Variants in FBXO28 observed in about 807,000 individuals in gnomAD.
FBXO28 encodes F-box protein 28.
In FBXO28, 8 loss-of-function variants were observed where a neutral mutation model predicts 38.1. That is an observed-to-expected ratio of 0.21 (90% CI 0.12 to 0.38). The LOEUF (loss-of-function observed/expected upper bound fraction) is 0.38, where lower values mean the gene tolerates loss of function less well. Ranked by LOEUF, FBXO28 falls within the 10% of genes least tolerant of loss-of-function variation. The probability of loss-of-function intolerance (pLI) is 1.00; values close to 1 mark genes in which losing one functional copy is unlikely to be tolerated. For synonymous variants in FBXO28, 168 were observed against 173.8 expected (o/e 0.97, Z 0.26); for missense variants, 345 against 460.6 (o/e 0.75, Z 2.30).
intron 3 of FBXO28, among the ~76,000 whole-genome samples, chr1:224,134,608 G>A (rs1657132406): frequency 6.6e-6 from 1 of 152,108 alleles, no homozygotes; most frequent in African/African-American, 2.4e-5. Flanking sequence ...TTTGAGAAAT[G>A]TTTCATAACG....
At chr1:224,115,936 A>G (rs905848794) in intron 1 of FBXO28, among the ~76,000 whole-genome samples, 2 of 152,076 alleles carry the variant, frequency 1.3e-5, no homozygotes, top group African/African-American at 4.8e-5. Flanking sequence ...GGGAGGGGGG[A>G]ACCAGCCTGT....
At chr1:224,143,185 C>T (rs1317967363) in intron 3 of FBXO28, among the ~76,000 whole-genome samples, 2 of 149,038 alleles carry the variant, frequency 1.3e-5, no homozygotes, top group Non-Finnish European at 3.0e-5. Flanking sequence ...TGCCACTGCA[C>T]TCCAGCCTGG....
Position 224,114,184 on chromosome 1 carries a change from G to A in FBXO28, c.55G>A (p.Asp19Asn). ...AGAGGAAGGAGGCGGCGGCCAAGGC[G>A]ACGGCGGTTCCTCTTTGGCCTCCGG... ...MAEEGGGGQG[D>N]GGSSLASGST... Residue 19 changes from aspartate (D) to asparagine (N), a missense_variant, in exon 1 of 5, where the codon GAC becomes AAC. Around this residue, in one of 6 missense-constraint regions of FBXO28, gnomAD observed 104 missense variants for 82.0 expected, o/e 1.27. Transcript: ENST00000366862. 2 of 1,547,626 alleles carry A rather than the reference G, an allele frequency of 1.3e-6. No individual in the cohort carries two copies. Among genetic ancestry groups the A allele is most frequent in the Non-Finnish European group, 1.7e-6 (2 of 1,146,046 alleles).
intron 1 of FBXO28, among the ~76,000 whole-genome samples, chr1:224,125,718 T>C (rs947109861): frequency 6.6e-6 from 1 of 151,240 alleles, no homozygotes; most frequent in Admixed American, 6.6e-5. Context: ...CTCGGACCAC[T>C]GTAACCTCCA....
chr1:224,115,603 A>C (rs1327949624), intron 1 of FBXO28, among the ~76,000 whole-genome samples: 1 of 152,242 alleles, frequency 6.6e-6, no homozygotes, highest in Non-Finnish European at 1.5e-5. Flanking sequence ...GCCAGTCTGC[A>C]GGATGGAAAA....
Position 224,161,741 on chromosome 1 carries a change from A to G in FBXO28, c.*3995A>G, listed in dbSNP as rs1248556157. ...CATCTTGGTTAAATTTCTGAAGTTT[A>G]AAAATTAGATCCAGATTTCTTCTGT... On this transcript the variant is annotated 3_prime_UTR_variant, in exon 5 of 5. Transcript: ENST00000366862. 1.3e-5 allele frequency: 2 copies of G among 152,232 alleles called. No homozygotes were observed. The highest frequency in any genetic ancestry group is 2.9e-5 in the Non-Finnish European group (2 of 68,040). 9.4% of individuals were successfully genotyped at this position (152,232 alleles called of 1,614,324 possible). A position where few individuals can be genotyped will look rare whatever the true frequency, so the allele number is the denominator to read the frequency against.
chr1:224,114,850 G>A (rs777967200), intron 1 of FBXO28, among the ~76,000 whole-genome samples: 1 of 152,200 alleles, frequency 6.6e-6, no homozygotes, highest in African/African-American at 2.4e-5. Flanking sequence ...ATAACGAATT[G>A]TTCCCCACCC....
At chr1:224,120,185 A>T (rs570920193) in intron 1 of FBXO28, among the ~76,000 whole-genome samples, 1 of 152,334 alleles carries the variant, frequency 6.6e-6, no homozygotes, top group South Asian at 2.1e-4. Flanking sequence ...GGAGCAAAAG[A>T]TAACCTTTAA....
intron 4 of FBXO28, 49 bp from the exon 5 acceptor site, chr1:224,157,303 G>A (rs1205095133): frequency 3.1e-5 from 47 of 1,531,186 alleles, no homozygotes; most frequent in Non-Finnish European, 3.9e-5. Flanking sequence ...AGTATTACTG[G>A]TAGAGAGACA....
intron 3 of FBXO28, among the ~76,000 whole-genome samples, chr1:224,150,500 CTA>C (rs1180896858): frequency 6.6e-6 from 1 of 152,034 alleles, no homozygotes; most frequent in African/African-American, 2.4e-5. Flanking sequence ...ATTTTATTAA[CTA>C]TTTCTTGATT....
intron 3 of FBXO28, among the ~76,000 whole-genome samples, chr1:224,139,299 ATTC>A (rs1437611378): frequency 1.3e-5 from 2 of 151,632 alleles, no homozygotes; most frequent in South Asian, 2.1e-4. Context: ...AAATTTTTTT[ATTC>A]TTTTTTTTGT....
rs1656705717 is a variant in FBXO28, at chr1:224,118,888, C to A, written c.267+4492C>A. On this transcript the variant is annotated intron_variant, in intron 1 of 4. Transcript: ENST00000366862. ...GAATACACATAACATATTCCATTAG[C>A]TGTCAGAACAATAATGTCAGCACAT... Among the ~76,000 whole-genome samples the A allele has an allele frequency of 2.0e-5, 3 of 152,290 alleles. No individual in the cohort carries two copies. The South Asian group carries it at 6.2e-4, about 32-fold the overall frequency.
Position 224,134,204 on chromosome 1 carries a change from C to G in FBXO28, c.508C>G (p.Pro170Ala). 2 of 1,611,804 alleles carry G rather than the reference C, an allele frequency of 1.2e-6. No individual in the cohort carries two copies. The highest frequency in any genetic ancestry group is 1.7e-6 in the Non-Finnish European group (2 of 1,179,196). ...GGATTCCAATCTCTGTTGCTTCATC[C>G]CAGGAAAGGTAAAATAGAATTGCTT... ...YVDSNLCCFIPGKVIDEIYRV... is the reference protein window; with the variant it reads ...YVDSNLCCFIAGKVIDEIYRV... The change falls in exon 3 of 5, where the codon CCA becomes GCA. Residue 170 changes from proline (P) to alanine (A), a missense_variant. Transcript: ENST00000366862.
intron 3 of FBXO28, among the ~76,000 whole-genome samples, chr1:224,137,081 C>A (rs1431219007): frequency 1.3e-5 from 2 of 151,322 alleles, no homozygotes; most frequent in African/African-American, 4.9e-5. Context: ...GTTAAGAAAA[C>A]TAACTTTTGT....
intron 1 of FBXO28, among the ~76,000 whole-genome samples, chr1:224,121,244 A>G (rs980880803): frequency 6.6e-6 from 1 of 152,202 alleles, no homozygotes; most frequent in Admixed American, 6.5e-5. Context: ...ACTGAGAACA[A>G]TCCAAAAGGC....
In FBXO28 at chr1:224,114,237, C is replaced by T; in HGVS notation, c.108C>T (p.Pro36=). The T allele has an allele frequency of 6.4e-7, 1 of 1,551,822 alleles. No individual in the cohort carries two copies. The highest frequency in any genetic ancestry group is 1.2e-5 in the South Asian group (1 of 84,238). Residue 36 remains proline (P), a synonymous_variant, in exon 1 of 5, where the codon CCC becomes CCT. Coordinates refer to ENST00000366862, the MANE Select transcript of FBXO28 (RefSeq NM_015176.4). ...CTACCCAGCGACAGCCTCCACCGCC[C>T]GCGCCACAGCACCCGCAGCCGGGGT... ...SGSTQRQPPP[P]APQHPQPGSQ...
At position 224,157,867 on chromosome 1, in the gene FBXO28, T is replaced by TA; in HGVS notation, c.*124dup. 1 of 1,444,706 alleles carries TA rather than the reference T, an allele frequency of 6.9e-7. No homozygotes were observed. 89.5% of individuals were successfully genotyped at this position (1,444,706 alleles called of 1,614,324 possible). A position where few individuals can be genotyped will look rare whatever the true frequency, so the allele number is the denominator to read the frequency against. ...GCTTCTAGGCTTTCAGAACACAACT[T>TA]AAACTTGAACTCTTATGGTTGGGAC... On this transcript the variant is annotated 3_prime_UTR_variant, in exon 5 of 5. Transcript: ENST00000366862.
At chr1:224,122,609 C>G (rs965301444) in intron 1 of FBXO28, among the ~76,000 whole-genome samples, 2 of 151,530 alleles carry the variant, frequency 1.3e-5, no homozygotes, top group East Asian at 1.9e-4. Flanking sequence ...TTTTTACAGC[C>G]CCCCCCAAGC....
chr1:224,139,772 A>ACATGCATGCATGCATG (rs1657299137), intron 3 of FBXO28, among the ~76,000 whole-genome samples: 2 of 118,154 alleles, frequency 1.7e-5, no homozygotes, highest in African/African-American at 7.2e-5. Flanking sequence ...ATGCATACAT[A>ACATGCATGCATGCATG]CATACATACA....
Sources: allele counts gnomAD v4.1 joint callset (sites outside exome capture counted in the v4.1 genomes callset), GRCh38; gene constraint gnomAD v4.1.1; regional missense constraint gnomAD v4.1.1; transcripts MANE v1.5; gene names NCBI Gene and HGNC (gene_info 2026-07-23, HGNC 2026-07-21).